Variants in SULT6B1 observed in about 807,000 individuals in gnomAD.
SULT6B1 encodes the protein sulfotransferase family 6B member 1, also known as sulfotransferase 6B1.
Under a neutral mutation model 37.2 loss-of-function variants are expected in SULT6B1, and 44 were observed. That is an observed-to-expected ratio of 1.18 (90% CI 0.93 to 1.52). SULT6B1 has a LOEUF of 1.52. SULT6B1 is among the 40% of genes most tolerant of loss of function. SULT6B1 has a pLI of 0.00. For missense variants in SULT6B1, 450 were observed against 361.0 expected, an observed-to-expected ratio of 1.25 and a Z score of -2.00; for synonymous variants, 140 against 126.0, an observed-to-expected ratio of 1.11 and a Z score of -0.74.
At chr2:37,168,784 T>C (rs1457714029) in intron 6 of SULT6B1, among the ~76,000 whole-genome samples, 2 of 152,358 alleles carry the variant, frequency 1.3e-5, no homozygotes, top group East Asian at 3.9e-4. Context: ...TTTGGGATGT[T>C]TTTTCTTACT....
At chr2:37,175,374 T>C in intron 4 of SULT6B1, 148 bp from the exon 5 acceptor site, 1 of 410,746 alleles carries the variant, frequency 2.4e-6, no homozygotes. Flanking sequence ...ACCAAAAAGC[T>C]GATATAAATC....
At chr2:37,188,919 T>A (rs1019436815), upstream of SULT6B1, among the ~76,000 whole-genome samples, 4 of 152,214 alleles carry the variant, frequency 2.6e-5, no homozygotes, top group Non-Finnish European at 4.4e-5. Flanking sequence ...AATATCCTAA[T>A]AGAAGAAAAT....
chr2:37,187,000 T>G lies in SULT6B1; in HGVS notation c.312+355A>C, dbSNP rs144241768. Among the ~76,000 whole-genome samples the G allele has an allele frequency of 1.3e-3, 202 of 152,324 alleles. 1 individual carries two copies. The highest frequency in any genetic ancestry group is 4.7e-3 in the African/African-American group (196 of 41,580). ...GACTTTTCTGTTCATTTCCTGAGGT[T>G]TCTCAGCTTACTTTCCCCCTACTTA... On this transcript the variant is annotated intron_variant, in intron 2 of 6. Coordinates refer to ENST00000535679, the MANE Select transcript of SULT6B1 (RefSeq NM_001367551.1).
intron 6 of SULT6B1, among the ~76,000 whole-genome samples, chr2:37,170,473 A>C (rs11885846): frequency 6.6e-6 from 1 of 151,096 alleles, no homozygotes; most frequent in Non-Finnish European, 1.5e-5. Context: ...TCTCAAAAAA[A>C]ATATATAAAA....
chr2:37,169,289 T>C (rs1676245842), intron 6 of SULT6B1, among the ~76,000 whole-genome samples: 1 of 152,194 alleles, frequency 6.6e-6, no homozygotes, highest in Admixed American at 6.5e-5. Flanking sequence ...TTACATTCAA[T>C]GTTCCGCTTA....
chr2:37,192,533 A>G (rs55939105), upstream of SULT6B1, among the ~76,000 whole-genome samples: 8,568 of 152,310 alleles, frequency 0.056, 251 homozygotes, highest in African/African-American at 0.064. Context: ...TTCTTGCCTT[A>G]TATAATAATG....
chr2:37,187,733 G>A (rs1676704898), intron 1 of SULT6B1, among the ~76,000 whole-genome samples: 1 of 152,000 alleles, frequency 6.6e-6, no homozygotes, highest in South Asian at 2.1e-4. Flanking sequence ...TCTAGAATAT[G>A]TTTCTTATAG....
upstream of SULT6B1, chr2:37,191,020 G>C (rs1291003954): frequency 1.3e-5 from 2 of 152,016 alleles, no homozygotes; most frequent in Non-Finnish European, 2.9e-5. Flanking sequence ...AGGGGTAAGA[G>C]GGGAGGGAAA....
At chr2:37,168,716 G>A (rs2148282382) in intron 6 of SULT6B1, among the ~76,000 whole-genome samples, 1 of 152,240 alleles carries the variant, frequency 6.6e-6, no homozygotes, top group South Asian at 2.1e-4. Context: ...TTTATAGCAA[G>A]TTTTCGTTAA....
At chr2:37,187,505 G>T in intron 1 of SULT6B1, 38 bp from the exon 2 acceptor site, 1 of 1,306,286 alleles carries the variant, frequency 7.7e-7, no homozygotes, top group Non-Finnish European at 1.1e-6. Flanking sequence ...TCATTACGGA[G>T]TCTTGATATA....
chr2:37,175,497 T>C (rs1336802290), intron 4 of SULT6B1, among the ~76,000 whole-genome samples: 1 of 152,148 alleles, frequency 6.6e-6, no homozygotes, highest in Non-Finnish European at 1.5e-5. Flanking sequence ...AAGACATTCA[T>C]GAATATTTAG....
Position 37,175,218 on chromosome 2 carries a change from C to T in SULT6B1, c.538G>A (p.Gly180Arg). 1 of 1,576,464 alleles carries T rather than the reference C, an allele frequency of 6.3e-7. No homozygotes were observed. Among genetic ancestry groups the T allele is most frequent in the South Asian group, 1.2e-5 (1 of 84,354 alleles). ...RQFMKGQVSWGRYFDFAINWN... is the reference protein window; with the variant it reads ...RQFMKGQVSWRRYFDFAINWN... ...TTGATTGCAAAATCAAAATACCTTC[C>T]CCAAGAAACTAAAAACACAGGGGGG... The change falls in exon 5 of 7, where the codon GGA becomes AGA. Residue 180 changes from glycine to arginine, a missense_variant. Physicochemically the swap from Gly to Arg is moderately radical, Grantham distance 125. Transcript: ENST00000535679.
chr2:37,175,790 T>C (rs1395924851), intron 4 of SULT6B1, among the ~76,000 whole-genome samples: 1 of 152,194 alleles, frequency 6.6e-6, no homozygotes, highest in Non-Finnish European at 1.5e-5. Flanking sequence ...TCAAAAGCCA[T>C]GGAGTATGAG....
intron 3 of SULT6B1, among the ~76,000 whole-genome samples, chr2:37,181,308 T>TA (rs1676544190): frequency 6.6e-6 from 1 of 152,162 alleles, no homozygotes; most frequent in Non-Finnish European, 1.5e-5. Flanking sequence ...AGACATAAAT[T>TA]TGAATTTGAG....
chr2:37,188,510 G>C lies in SULT6B1; in HGVS notation c.131C>G (p.Thr44Ser), dbSNP rs887964662. ...TTCGAAGGTGTCCAGCGCTTGGAAA[G>C]TTTCTGAGGTGCACATGGTGATGGG... Reference protein sequence around the residue: ...PYPITMCTSETFQALDTFEAR... With the variant: ...PYPITMCTSESFQALDTFEAR... The change falls in exon 1 of 7, where the codon ACT becomes AGT. Residue 44 changes from threonine to serine, a missense_variant. By Grantham distance (58) the Thr-to-Ser change is moderately conservative. Coordinates refer to ENST00000535679, the MANE Select transcript of SULT6B1 (RefSeq NM_001367551.1). 1 of 1,614,204 alleles carries C rather than the reference G, an allele frequency of 6.2e-7. No individual in the cohort carries two copies. Among genetic ancestry groups the C allele is most frequent in the Non-Finnish European group, 8.5e-7 (1 of 1,180,014 alleles).
In SULT6B1 at chr2:37,188,632, A is replaced by G; in HGVS notation, c.9T>C (p.Asp3=). The G allele has an allele frequency of 7.9e-7, 1 of 1,271,258 alleles. No homozygotes were observed. Among genetic ancestry groups the G allele is most frequent in the South Asian group, 1.2e-5 (1 of 81,936 alleles). The allele number at this position is 1,271,258 out of a possible 1,614,324, so 78.7% of individuals were successfully genotyped here. A position where few individuals can be genotyped will look rare whatever the true frequency, so the allele number is the denominator to read the frequency against. Residue 3 remains aspartate (D), a synonymous_variant, in exon 1 of 7, where the codon GAT becomes GAC. Transcript: ENST00000535679. MA[D]KSKFIEYIDE... ...CAATGTATTCAATAAATTTGGATTT[A>G]TCAGCCATGGTGGCTCCCTGTAAAA... is the stretch of plus-strand genomic sequence containing the variant.
At chr2:37,171,291 C>T in intron 6 of SULT6B1, 143 bp downstream of exon 6, 7 of 927,770 alleles carry the variant, frequency 7.5e-6, no homozygotes, top group Middle Eastern at 2.3e-4. Context: ...AGTTACAGCT[C>T]TGGAGAGCCT....
Position 37,171,574 on chromosome 2 carries a change from A to T in SULT6B1, c.641T>A (p.Ile214Lys). 3.1e-6 allele frequency: 5 copies of T among 1,612,846 alleles called. No homozygotes were observed. Among genetic ancestry groups the T allele is most frequent in the Non-Finnish European group, 3.4e-6 (4 of 1,179,680 alleles). The change falls in exon 6 of 7, where the codon ATA becomes AAA. Residue 214 changes from isoleucine (I) to lysine (K), a missense_variant. Ile to Lys is a moderately radical substitution (Grantham distance 102). Transcript: ENST00000535679. ...TCCCAAGAACTCAGCAATCTGTTTT[A>T]TTCCAGCAGCCAGATTCTGTAAAAA... ...EDLKENLAAG[I>K]KQIAEFLGFF...
chr2:37,177,853 C>T (rs1223684163), intron 4 of SULT6B1, among the ~76,000 whole-genome samples: 1 of 152,120 alleles, frequency 6.6e-6, no homozygotes, highest in Non-Finnish European at 1.5e-5. Context: ...AAAATAAATA[C>T]ATTTTTTAAA....
Sources: allele counts gnomAD v4.1 joint callset (sites outside exome capture counted in the v4.1 genomes callset), GRCh38; gene constraint gnomAD v4.1.1; transcripts MANE v1.5; gene names NCBI Gene and HGNC (gene_info 2026-07-23, HGNC 2026-07-21).